The following SH3BGR variants were observed in gnomAD, a reference collection of about 807,000 sequenced individuals.
SH3BGR encodes the protein SH3 domain-binding glutamic acid-rich protein.
SH3BGR carries 29 observed loss-of-function variants against 24.5 expected under a neutral mutation model. That is an observed-to-expected ratio of 1.18 (90% CI 0.88 to 1.61). SH3BGR has a LOEUF of 1.61. Ranked by LOEUF, SH3BGR falls within the 40% of genes most tolerant of loss-of-function variation. The pLI, the probability that SH3BGR is intolerant of heterozygous loss-of-function variation, is 0.00. For synonymous variants in SH3BGR, 55 were observed against 65.7 expected, an observed-to-expected ratio of 0.84 and a Z score of 0.79; for missense variants, 162 against 205.8, an observed-to-expected ratio of 0.79 and a Z score of 1.30.
At chr21:39,473,067 C>G (rs2077968312) in intron 2 of SH3BGR, among the ~76,000 whole-genome samples, 1 of 151,948 alleles carries the variant, frequency 6.6e-6, no homozygotes, top group African/African-American at 2.4e-5. Context: ...TCTAATCTGC[C>G]ATAGTAGCAG....
rs1569177969 is a variant in SH3BGR at position 39,510,371 on chromosome 21, CACACACACACACACACACACTGTA to C, written c.436-1308_436-1285del. 4.7e-3 allele frequency among the ~76,000 whole-genome samples: 695 copies of C among 147,120 alleles called. 10 individuals are homozygous for C. Among genetic ancestry groups the C allele is most frequent in the African/African-American group, 0.017 (661 of 39,524 alleles). Reference sequence around the variant, plus strand: ...GATAACCACTGTAGCTACATACACACACACACACACACACACACACTGTAGCTACACACACACACACACACACAC... The same window carrying C: ...GATAACCACTGTAGCTACATACACACGCTACACACACACACACACACACAC... On this transcript the variant is annotated intron_variant, in intron 5 of 6. Coordinates refer to ENST00000333634, the MANE Select transcript of SH3BGR (RefSeq NM_007341.3).
At chr21:39,449,039 C>T (rs898663627), upstream of SH3BGR, among the ~76,000 whole-genome samples, 7 of 152,048 alleles carry the variant, frequency 4.6e-5, no homozygotes, top group East Asian at 9.6e-4. Flanking sequence ...GTCTTTGTGC[C>T]CTATAGTTCA....
chr21:39,485,555 C>T (rs921249493), intron 3 of SH3BGR, among the ~76,000 whole-genome samples: 2 of 152,200 alleles, frequency 1.3e-5, no homozygotes, highest in African/African-American at 4.8e-5. Flanking sequence ...TTCATTTAAT[C>T]CTATGTAATT....
intron 3 of SH3BGR, among the ~76,000 whole-genome samples, chr21:39,492,181 C>T (rs2078310080): frequency 6.6e-6 from 1 of 151,916 alleles, no homozygotes; most frequent in African/African-American, 2.4e-5. Context: ...CACCCATCAC[C>T]CAAGCAGTGT....
chr21:39,480,561 G>A (rs558077376), intron 3 of SH3BGR, among the ~76,000 whole-genome samples: 1 of 152,210 alleles, frequency 6.6e-6, no homozygotes, highest in Non-Finnish European at 1.5e-5. Flanking sequence ...TCCATGGCAC[G>A]AATGGATGGA....
intron 3 of SH3BGR, among the ~76,000 whole-genome samples, chr21:39,483,442 C>T (rs1258515357): frequency 6.6e-6 from 1 of 152,228 alleles, no homozygotes; most frequent in Non-Finnish European, 1.5e-5. Flanking sequence ...TCTCAGAGTT[C>T]ACCTCTCTTC....
intron 3 of SH3BGR, among the ~76,000 whole-genome samples, chr21:39,487,453 G>A: frequency 6.6e-6 from 1 of 152,188 alleles, no homozygotes; most frequent in Admixed American, 6.5e-5. Context: ...AGCTGTCATA[G>A]CAGTGTTAAA....
chr21:39,471,560 C>A (rs988253259), intron 2 of SH3BGR, among the ~76,000 whole-genome samples: 1 of 152,098 alleles, frequency 6.6e-6, no homozygotes, highest in Non-Finnish European at 1.5e-5. Flanking sequence ...AATAATATTT[C>A]CTCCACATTT....
Position 39,475,159 on chromosome 21 carries a change from AAAG to A in SH3BGR, c.261_263del (p.Glu88del), listed in dbSNP as rs2078007094. The A allele has an allele frequency of 1.9e-6, 3 of 1,611,830 alleles. No homozygotes were observed. The highest frequency in any genetic ancestry group is 2.5e-6 in the Non-Finnish European group (3 of 1,178,258). On this transcript the variant is annotated inframe_deletion, in exon 3 of 7. Coordinates refer to ENST00000333634, the MANE Select transcript of SH3BGR (RefSeq NM_007341.3). ...GGATTTTGACTCTTTCTTCTCTGCA[AAAG>A]AAGAGAATATTATTTATTCCTTCCT...
chr21:39,505,167 G>A (rs1216984247), intron 4 of SH3BGR, among the ~76,000 whole-genome samples: 1 of 152,166 alleles, frequency 6.6e-6, no homozygotes, highest in Admixed American at 6.5e-5. Context: ...TTGAAGCTGA[G>A]CTGGAGTAGC....
intron 4 of SH3BGR, among the ~76,000 whole-genome samples, chr21:39,508,742 C>T (rs887403637): frequency 6.6e-6 from 1 of 152,176 alleles, no homozygotes; most frequent in East Asian, 1.9e-4. Flanking sequence ...TTAATAATTA[C>T]ATTTTCTCAG....
chr21:39,500,411 A>G (rs2078474202), intron 4 of SH3BGR, among the ~76,000 whole-genome samples: 1 of 152,174 alleles, frequency 6.6e-6, no homozygotes, highest in Non-Finnish European at 1.5e-5. Flanking sequence ...TCAGGGAAAT[A>G]GCAGATCTTG....
intron 4 of SH3BGR, among the ~76,000 whole-genome samples, chr21:39,500,346 G>A (rs865959375): frequency 3.0e-4 from 46 of 152,056 alleles, no homozygotes; most frequent in African/African-American, 9.9e-4. Context: ...AGGAACTTGA[G>A]GATAAAAAGG....
chr21:39,452,531 C>T (rs1283433464), intron 1 of SH3BGR, among the ~76,000 whole-genome samples: 1 of 152,106 alleles, frequency 6.6e-6, no homozygotes, highest in Non-Finnish European at 1.5e-5. Context: ...CTGTTTGGAG[C>T]GGATGATGAA....
chr21:39,447,015 C>T (rs553354759), upstream of SH3BGR: 3 of 152,164 alleles, frequency 2.0e-5, no homozygotes, highest in East Asian at 5.8e-4. Flanking sequence ...ATTTCTTCCT[C>T]TAGAAATGCA....
At position 39,452,066 on chromosome 21, in the gene SH3BGR, G is replaced by T; in HGVS notation, c.-31G>T. 3 of 1,614,158 alleles carry T rather than the reference G, an allele frequency of 1.9e-6. No homozygotes were observed. The highest frequency in any genetic ancestry group is 2.5e-6 in the Non-Finnish European group (3 of 1,179,994). The stretch of plus-strand genomic sequence containing the variant: ...GCGGCGCATTCCCTGACAGGGGTGT[G>T]TTGGGGGGAGTCCTCTTTCCAACTG... On this transcript the variant is annotated 5_prime_UTR_variant, in exon 1 of 7. Transcript: ENST00000333634.
In SH3BGR at chr21:39,511,035, T is replaced by C. The variant is rs2078683160; in HGVS notation, c.436-645T>C. Among the ~76,000 whole-genome samples the C allele has an allele frequency of 6.7e-6, 1 of 149,816 alleles. No homozygotes were observed. The highest frequency in any genetic ancestry group is 1.5e-5 in the Non-Finnish European group (1 of 67,622). ...ACTTAGGTGGGATTATAAAACCTGT[T>C]AGGATTAACATATCATTCTAAAGCA... On this transcript the variant is annotated intron_variant, in intron 5 of 6. Transcript: ENST00000333634. This position sits in a 1 kb window ranked among gnomAD's most constrained non-coding sequence, Gnocchi z 4.2.
Position 39,511,681 on chromosome 21 carries a change from C to CTTACATTATTTTAACAT in SH3BGR, c.437_438insTTACATTATTTTAACAT (p.Glu147TyrfsTer9). ...TAATGTAAGTTTTGTTAAAATAAGA[C>CTTACATTATTTTAACAT]GGAAGAAATAGCCATGGAGGGTGCG... On this transcript the variant is annotated frameshift_variant and splice_region_variant, in exon 6 of 7. Transcript: ENST00000333634. LOFTEE classifies it high-confidence loss of function. The surrounding 1 kb of genome is among the most constrained non-coding windows in gnomAD (Gnocchi z 4.2). 3 of 1,609,348 alleles carry CTTACATTATTTTAACAT rather than the reference C, an allele frequency of 1.9e-6. No homozygotes were observed. The highest frequency in any genetic ancestry group is 2.5e-6 in the Non-Finnish European group (3 of 1,178,162).
intron 3 of SH3BGR, among the ~76,000 whole-genome samples, chr21:39,494,251 C>CTTCT (rs1555913603): frequency 1.7e-4 from 24 of 138,498 alleles, no homozygotes; most frequent in Non-Finnish European, 1.4e-4. Context: ...TCTTCTTCTT[C>CTTCT]TTTTTTTTTT....
Sources: allele counts gnomAD v4.1 joint callset (sites outside exome capture counted in the v4.1 genomes callset), GRCh38; gene constraint gnomAD v4.1.1; non-coding constraint Gnocchi (gnomAD v3.1); transcripts MANE v1.5; gene names NCBI Gene and HGNC (gene_info 2026-07-23, HGNC 2026-07-21).